Variants in EVI5 observed in about 807,000 individuals in gnomAD.
EVI5 encodes ecotropic viral integration site 5.
A neutral mutation model predicts 112.0 loss-of-function variants in EVI5; 73 were observed. The observed-to-expected ratio is 0.65, with a 90% CI of 0.54 to 0.79. EVI5 has a LOEUF of 0.79. Ranked by LOEUF, EVI5 falls within the 30% of genes least tolerant of loss-of-function variation. The pLI is 0.00. For missense variants in EVI5, 900 were observed against 968.8 expected (o/e 0.93, Z 0.94); for synonymous variants, 305 against 319.9 (o/e 0.95, Z 0.50).
At chr1:92,756,732 T>C (rs1180261568) in intron 1 of EVI5, 1 of 487,520 alleles carries the variant, frequency 2.1e-6, no homozygotes, top group African/African-American at 2.0e-5. Context: ...AACCAAGCTG[T>C]TGTTAGCAGA....
intron 19 of EVI5, among the ~76,000 whole-genome samples, chr1:92,525,253 GC>G (rs1238831575): frequency 6.9e-6 from 1 of 145,742 alleles, no homozygotes; most frequent in African/African-American, 2.5e-5. Flanking sequence ...CAGAATCAGT[GC>G]CAATGACAAT....
intron 19 of EVI5, among the ~76,000 whole-genome samples, chr1:92,518,445 T>C (rs1005977153): frequency 6.6e-6 from 1 of 152,130 alleles, no homozygotes; most frequent in Non-Finnish European, 1.5e-5. Flanking sequence ...AAGACTCCTA[T>C]CTGAGGGAAT....
intron 16 of EVI5, among the ~76,000 whole-genome samples, chr1:92,615,612 C>T (rs1361001908): frequency 6.6e-6 from 1 of 152,078 alleles, no homozygotes; most frequent in African/African-American, 2.4e-5. Flanking sequence ...GGAAACAACC[C>T]CTCCCCAACC....
intron 13 of EVI5, among the ~76,000 whole-genome samples, chr1:92,654,729 G>A (rs1662722641): frequency 6.6e-6 from 1 of 152,032 alleles, no homozygotes; most frequent in South Asian, 2.1e-4. Flanking sequence ...TGATTTCCAA[G>A]AAGCTCAATG....
intron 18 of EVI5, among the ~76,000 whole-genome samples, chr1:92,591,436 A>G (rs1414418461): frequency 7.2e-5 from 11 of 152,164 alleles, no homozygotes; most frequent in Non-Finnish European, 1.5e-4. Context: ...GCAAATGGAA[A>G]ACAAAAAAAG....
intron 13 of EVI5, among the ~76,000 whole-genome samples, chr1:92,659,998 T>C (rs542993560): frequency 2.5e-4 from 38 of 152,112 alleles, no homozygotes; most frequent in African/African-American, 8.4e-4. Flanking sequence ...AAATATTGCA[T>C]ACCGTCACTT....
intron 2 of EVI5, among the ~76,000 whole-genome samples, chr1:92,724,535 C>T (rs958165224): frequency 6.6e-6 from 1 of 152,140 alleles, no homozygotes; most frequent in Non-Finnish European, 1.5e-5. Flanking sequence ...AGGCTTGGCA[C>T]ACTCATTCAT....
chr1:92,592,747 G>T (rs1048555484), intron 18 of EVI5, among the ~76,000 whole-genome samples: 1 of 152,094 alleles, frequency 6.6e-6, no homozygotes, highest in Non-Finnish European at 1.5e-5. Flanking sequence ...TATCACCACC[G>T]ATCCCACATA....
At chr1:92,685,202 G>A (rs539708084) in intron 9 of EVI5, among the ~76,000 whole-genome samples, 87 of 152,074 alleles carry the variant, frequency 5.7e-4, no homozygotes, top group African/African-American at 2.1e-3. Flanking sequence ...CACAACAAAC[G>A]GTCTCTCAGA....
At chr1:92,598,570 G>A (rs1648438538) in intron 18 of EVI5, among the ~76,000 whole-genome samples, 1 of 152,018 alleles carries the variant, frequency 6.6e-6, no homozygotes, top group South Asian at 2.1e-4. Flanking sequence ...AAAATTCATG[G>A]TAACTCAGAA....
At chr1:92,683,561 A>G (rs182221176) in intron 9 of EVI5, among the ~76,000 whole-genome samples, 6 of 152,336 alleles carry the variant, frequency 3.9e-5, no homozygotes, top group Admixed American at 2.6e-4. Context: ...AATGAGTTTG[A>G]CGAGTTGACA....
intron 1 of EVI5, among the ~76,000 whole-genome samples, chr1:92,765,643 C>A (rs1319009219): frequency 6.6e-6 from 1 of 152,044 alleles, no homozygotes; most frequent in Non-Finnish European, 1.5e-5. Context: ...TAATCAAATT[C>A]TTTTCAACAC....
chr1:92,557,915 A>G (rs1667933060), intron 19 of EVI5, among the ~76,000 whole-genome samples: 1 of 148,578 alleles, frequency 6.7e-6, no homozygotes, highest in Non-Finnish European at 1.5e-5. Flanking sequence ...TTATTTATTT[A>G]TTTGTAGAGA....
intron 1 of EVI5, among the ~76,000 whole-genome samples, chr1:92,737,837 A>T (rs983586286): frequency 6.6e-6 from 1 of 152,214 alleles, no homozygotes; most frequent in Admixed American, 6.5e-5. Context: ...GGAGCATCTA[A>T]AAGGACAAAG....
rs369659932 is a variant in EVI5, at chr1:92,665,975, A to G, written c.1176T>C (p.Asn392=). 3 of 1,607,244 alleles carry G rather than the reference A, an allele frequency of 1.9e-6. No homozygotes were observed. Among genetic ancestry groups the G allele is most frequent in the Admixed American group, 1.7e-5 (1 of 58,892 alleles). The change falls in exon 11 of 20, where the codon AAT becomes AAC. Residue 392 remains asparagine, a synonymous_variant. Transcript: ENST00000684568. Reference sequence around the variant, plus strand: ...TCTCGATGCGCTGTTTTAAAAGTCTATTTTCTGTGCGTAACCTCTGCCAAG... The same window carrying G: ...TCTCGATGCGCTGTTTTAAAAGTCTGTTTTCTGTGCGTAACCTCTGCCAAG... ...QVEIKRLRTE[N]RLLKQRIETL...
chr1:92,764,303 T>C (rs1261317318), intron 1 of EVI5, among the ~76,000 whole-genome samples: 1 of 152,222 alleles, frequency 6.6e-6, no homozygotes, highest in African/African-American at 2.4e-5. Context: ...CTGATATTTT[T>C]GTGTTATCTG....
intron 13 of EVI5, among the ~76,000 whole-genome samples, chr1:92,660,590 C>T (rs1006806496): frequency 6.6e-6 from 1 of 151,878 alleles, no homozygotes; most frequent in African/African-American, 2.4e-5. Flanking sequence ...AATGTTCTCA[C>T]CACAAAGGAA....
At chr1:92,645,449 TGG>T (rs1209643157) in intron 13 of EVI5, among the ~76,000 whole-genome samples, 1 of 152,180 alleles carries the variant, frequency 6.6e-6, no homozygotes, top group Non-Finnish European at 1.5e-5. Flanking sequence ...AAGTCCACTG[TGG>T]GGGAAAGTCA....
At chr1:92,689,020 A>G (rs1360340950) in intron 9 of EVI5, among the ~76,000 whole-genome samples, 1 of 152,256 alleles carries the variant, frequency 6.6e-6, no homozygotes, top group Non-Finnish European at 1.5e-5. Context: ...AGCAGTATGA[A>G]GTAGACACTG....
Sources: allele counts gnomAD v4.1 joint callset (sites outside exome capture counted in the v4.1 genomes callset), GRCh38; gene constraint gnomAD v4.1.1; transcripts MANE v1.5; gene names NCBI Gene and HGNC (gene_info 2026-07-23, HGNC 2026-07-21).